The following PPP1R16A variants were observed in gnomAD, a reference collection of about 807,000 sequenced individuals.
The protein encoded by PPP1R16A is myosin phosphatase-targeting subunit 3.
PPP1R16A carries 39 observed loss-of-function variants against 46.6 expected under a neutral mutation model. That is an observed-to-expected ratio of 0.84 (90% confidence interval 0.65 to 1.09). The LOEUF (loss-of-function observed/expected upper bound fraction) is 1.09. Ranked by LOEUF, PPP1R16A falls within the 50% of genes least tolerant of loss-of-function variation. The pLI is 0.00. For missense variants in PPP1R16A, 798 were observed against 735.6 expected (o/e 1.08, Z -0.98); for synonymous variants, 413 against 321.5 (o/e 1.28, Z -3.04).
rs1019172540 is a variant in PPP1R16A, at chr8:144,501,357, C to T, written c.1203+63C>T. On this transcript the variant is annotated intron_variant, in intron 11 of 11. Transcript: ENST00000435887. ...GGGCCTGGCTCTGCCCTGGTTCTCT[C>T]TCCGCTTGGACCCCCTCCTGCCTGT... 4 of 1,514,922 alleles carry T rather than the reference C, an allele frequency of 2.6e-6. No homozygotes were observed. In the Admixed American group the frequency reaches 8.2e-5, roughly 31 times the overall value. The allele number at this position is 1,514,922 out of a possible 1,614,324, so 93.8% of individuals were successfully genotyped here.
At chr8:144,492,910 G>A (rs186879284) in intron 2 of PPP1R16A, among the ~76,000 whole-genome samples, 19 of 152,168 alleles carry the variant, frequency 1.2e-4, no homozygotes, top group Admixed American at 2.6e-4. Context: ...GTGGGCTCTC[G>A]TCGCACCATG....
chr8:144,497,925 G>A, intron 3 of PPP1R16A: 1 of 407,760 alleles, frequency 2.5e-6, no homozygotes, highest in Non-Finnish European at 5.0e-6. Context: ...TATGCAGGTG[G>A]CCCCCTCTCA....
At chr8:144,481,592 C>T (rs1209500047) in intron 1 of PPP1R16A, among the ~76,000 whole-genome samples, 1 of 151,730 alleles carries the variant, frequency 6.6e-6, no homozygotes, top group Non-Finnish European at 1.5e-5. Context: ...TGCGGTGAGC[C>T]GAGATCGCAC....
Position 144,497,109 on chromosome 8 carries a change from A to G in PPP1R16A, c.-86A>G. 6.6e-7 allele frequency: 1 copy of G among 1,509,648 alleles called. No homozygotes were observed. The highest frequency in any genetic ancestry group is 8.9e-7 in the Non-Finnish European group (1 of 1,125,476). 93.5% of individuals were successfully genotyped at this position (1,509,648 alleles called of 1,614,324 possible). ...TGCCCCCGAGGGTGCCAGTCCAGCT[A>G]GCTGCCCCACCCCTCAGGCCCAGCC... On this transcript the variant is annotated 5_prime_UTR_variant, in exon 3 of 12. Coordinates refer to ENST00000435887, the MANE Select transcript of PPP1R16A (RefSeq NM_001329443.2).
intron 1 of PPP1R16A, 136 bp downstream of exon 1, chr8:144,478,263 T>G: frequency 2.7e-6 from 1 of 376,926 alleles, no homozygotes; most frequent in East Asian, 3.7e-5. Flanking sequence ...CGGGGAAGGA[T>G]GAGGCAGAGG....
In PPP1R16A at chr8:144,497,022, G is replaced by A; in HGVS notation, c.-173G>A. On this transcript the variant is annotated 5_prime_UTR_variant, in exon 3 of 12. An upstream open reading frame in the 5' UTR gains an earlier in-frame stop. Coordinates refer to ENST00000435887, the MANE Select transcript of PPP1R16A (RefSeq NM_001329443.2). ...CGGCCCATGCCCCCCAGGGCTGCCTGGGCCTGGTTATTGTGTGGGGCCTCC... is the reference window on the plus strand; with the variant it reads ...CGGCCCATGCCCCCCAGGGCTGCCTAGGCCTGGTTATTGTGTGGGGCCTCC... 2.4e-6 allele frequency: 2 copies of A among 850,006 alleles called. No homozygotes were observed. Among genetic ancestry groups the A allele is most frequent in the Non-Finnish European group, 3.6e-6 (2 of 556,186 alleles). The allele number at this position is 850,006 out of a possible 1,614,324, so 52.7% of individuals were successfully genotyped here.
Position 144,502,034 on chromosome 8 carries a change from C to A in PPP1R16A, c.*131C>A. ...TACTGTACAGGACACTGGCCCCTCT[C>A]AGGTCAGAAGACATGCCTGGAGGGA... On this transcript the variant is annotated 3_prime_UTR_variant, in exon 12 of 12. Transcript: ENST00000435887. 1 of 917,692 alleles carries A rather than the reference C, an allele frequency of 1.1e-6. No individual in the cohort carries two copies. Among genetic ancestry groups the A allele is most frequent in the Non-Finnish European group, 1.6e-6 (1 of 633,488 alleles). The allele number at this position is 917,692 out of a possible 1,614,324, so 56.8% of individuals were successfully genotyped here. A position where few individuals can be genotyped will look rare whatever the true frequency, so the allele number is the denominator to read the frequency against.
chr8:144,480,490 CTTTT>C (rs751435629), intron 1 of PPP1R16A, among the ~76,000 whole-genome samples: 1 of 143,532 alleles, frequency 7.0e-6, no homozygotes. Flanking sequence ...ATTTTTATAT[CTTTT>C]TTTTTTTTTT....
intron 3 of PPP1R16A, chr8:144,498,279 A>G (rs898575315): frequency 8.5e-6 from 3 of 354,646 alleles, no homozygotes; most frequent in African/African-American, 2.1e-5. Context: ...CCTGGGCGAG[A>G]GCTGGGCCCG....
chr8:144,479,112 G>A (rs144850612), intron 1 of PPP1R16A: 2 of 152,398 alleles, frequency 1.3e-5, no homozygotes, highest in African/African-American at 4.8e-5. Context: ...GGTTTCTCTG[G>A]GAGAAGGGTC....
At chr8:144,489,605 A>T (rs1586743924) in intron 1 of PPP1R16A, among the ~76,000 whole-genome samples, 1 of 152,128 alleles carries the variant, frequency 6.6e-6, no homozygotes, top group African/African-American at 2.4e-5. Context: ...ATGTGGCTGC[A>T]GAGGCCCCTC....
chr8:144,499,257 G>A (rs528683903), intron 5 of PPP1R16A, 196 bp downstream of exon 5: 2 of 695,688 alleles, frequency 2.9e-6, no homozygotes, highest in Admixed American at 6.3e-5. Context: ...GGGCAGCGCG[G>A]TCCCTGCCTC....
intron 1 of PPP1R16A, among the ~76,000 whole-genome samples, chr8:144,479,979 G>T (rs1021893261): frequency 6.6e-6 from 1 of 152,208 alleles, no homozygotes; most frequent in African/African-American, 2.4e-5. Context: ...CTGCCTATGA[G>T]TCAGGAACTG....
At position 144,498,642 on chromosome 8, in the gene PPP1R16A, G is replaced by C. The variant is rs1826226260; in HGVS notation, c.260-128G>C. ...CTGGTGCTTCTGCCCCCACCCCTGG[G>C]CTCTGGTGTGCCTCCTGCCATCGGC... On this transcript the variant is annotated intron_variant, in intron 3 of 11. Coordinates refer to ENST00000435887, the MANE Select transcript of PPP1R16A (RefSeq NM_001329443.2). 3.4e-6 allele frequency: 3 copies of C among 894,558 alleles called. No homozygotes were observed. The South Asian group carries it at 5.7e-5, about 17-fold the overall frequency. 55.4% of individuals were successfully genotyped at this position (894,558 alleles called of 1,614,324 possible).
rs1826349728 is a variant in PPP1R16A, at chr8:144,500,278, GA to G, written c.593del (p.Asp198AlafsTer61). 6.4e-7 allele frequency: 1 copy of G among 1,553,536 alleles called. No homozygotes were observed. Among genetic ancestry groups the G allele is most frequent in the Non-Finnish European group, 8.7e-7 (1 of 1,150,272 alleles). ...TAMADRGITQ[D>X]SIEAARAVPE... The stretch of plus-strand genomic sequence containing the variant: ...CTGCCGCCTCGCAGGCATCACCCAG[GA>G]CAGCATCGAGGCCGCCCGGGCCGTG... On this transcript the variant is annotated frameshift_variant, in exon 7 of 12. Coordinates refer to ENST00000435887, the MANE Select transcript of PPP1R16A (RefSeq NM_001329443.2). LOFTEE classifies it high-confidence loss of function.
At chr8:144,478,225 G>A (rs1171665976) in intron 1 of PPP1R16A, 98 bp downstream of exon 1, 4 of 387,688 alleles carry the variant, frequency 1.0e-5, no homozygotes, top group Non-Finnish European at 1.8e-5. Context: ...GAGGGGCACT[G>A]GGTCGACACC....
At position 144,493,322 on chromosome 8, in the gene PPP1R16A, C is replaced by G. The variant is rs1825897047; in HGVS notation, c.-735+3110C>G. ...CCGACCCGGGAATCTGTTTGACATT[C>G]CAAGGAGGTTTGGGGGAAGGTTTGT... On this transcript the variant is annotated intron_variant, in intron 2 of 11. Coordinates refer to ENST00000435887, the MANE Select transcript of PPP1R16A (RefSeq NM_001329443.2). The surrounding 1 kb of genome is among the most constrained non-coding windows in gnomAD (Gnocchi z 4.3). 1.3e-5 allele frequency among the ~76,000 whole-genome samples: 2 copies of G among 152,156 alleles called. No homozygotes were observed. Among genetic ancestry groups the G allele is most frequent in the Non-Finnish European group, 2.9e-5 (2 of 68,002 alleles).
In PPP1R16A at chr8:144,500,667, T is replaced by G; in HGVS notation, c.832-19T>G. 1 of 1,608,470 alleles carries G rather than the reference T, an allele frequency of 6.2e-7. No homozygotes were observed. On this transcript the variant is annotated intron_variant, in intron 8 of 11. Transcript: ENST00000435887. ...GGCTTCCAGCGCAGCAGTCTGCAGC[T>G]CCGGCCTGCCGTCCACAGGTGCCCC...
Position 144,501,142 on chromosome 8 carries a change from C to A in PPP1R16A, c.1051C>A (p.Arg351=), listed in dbSNP as rs368470587. The A allele has an allele frequency of 6.2e-7, 1 of 1,610,988 alleles. No homozygotes were observed. Among genetic ancestry groups the A allele is most frequent in the Non-Finnish European group, 8.5e-7 (1 of 1,179,656 alleles). ...TCTCCTCCCCAGGAAGGTGGTGAGGCGGGTGAGCCTAACCCAGCGCACCGA... is the reference window on the plus strand; with the variant it reads ...TCTCCTCCCCAGGAAGGTGGTGAGGAGGGTGAGCCTAACCCAGCGCACCGA... ...SAGSRGKVVR[R]VSLTQRTDLY... is the part of the protein sequence containing the mutation. Residue 351 remains arginine (R), a synonymous_variant, in exon 11 of 12, where the codon CGG becomes AGG. Coordinates refer to ENST00000435887, the MANE Select transcript of PPP1R16A (RefSeq NM_001329443.2).
Sources: gnomAD v4.1 joint callset for allele counts (sites outside exome capture counted in the v4.1 genomes callset) on GRCh38, gnomAD v4.1.1 for gene constraint, Gnocchi (gnomAD v3.1) non-coding constraint, MANE v1.5 for transcripts, NCBI Gene and HGNC (gene_info 2026-07-23, HGNC 2026-07-21) for gene names.